Variants in MAP1B observed in about 807,000 individuals in gnomAD.
MAP1B encodes the protein microtubule associated protein 1B, also known as microtubule-associated protein 1B.
Under a neutral mutation model 176.1 loss-of-function variants are expected in MAP1B, and 12 were observed. That is an observed-to-expected ratio of 0.07 (90% CI 0.04 to 0.11). The LOEUF (loss-of-function observed/expected upper bound fraction) is 0.11, where lower values mean the gene tolerates loss of function less well. Among genes scored for constraint, MAP1B ranks in the 10% least tolerant of loss-of-function variants. The pLI, the probability that MAP1B is intolerant of heterozygous loss-of-function variation, is 1.00. For synonymous variants in MAP1B, 1,044 were observed against 1,135.0 expected (o/e 0.92, Z 1.61); for missense variants, 2,523 against 2,990.5 (o/e 0.84, Z 3.65).
chr5:72,195,128 C>G lies in MAP1B; in HGVS notation c.1773C>G (p.Asp591Glu). 6.3e-7 allele frequency: 1 copy of G among 1,585,132 alleles called. No homozygotes were observed. The highest frequency in any genetic ancestry group is 8.5e-7 in the Non-Finnish European group (1 of 1,169,638). The change falls in exon 5 of 7, where the codon GAC (aspartate) becomes GAG (glutamate). Residue 591 changes from aspartate to glutamate, a missense_variant. Asp to Glu is a conservative substitution (Grantham distance 45). Around this residue, in one of 4 missense-constraint regions of MAP1B, gnomAD observed 1,925 missense variants for 2,126.0 expected, o/e 0.91. Coordinates refer to ENST00000296755, the MANE Select transcript of MAP1B (RefSeq NM_005909.5). ...ESKEKVMVKKDKPIKTETKPS... is the reference protein window; with the variant it reads ...ESKEKVMVKKEKPIKTETKPS... ...AAGAAAAGGTAATGGTGAAAAAAGACAAGCCAATAAAAACAGAGACCAAAC... is the reference window on the plus strand; with the variant it reads ...AAGAAAAGGTAATGGTGAAAAAAGAGAAGCCAATAAAAACAGAGACCAAAC...
intron 2 of MAP1B, among the ~76,000 whole-genome samples, chr5:72,123,979 A>G (rs1255647645): frequency 6.6e-6 from 1 of 152,186 alleles, no homozygotes; most frequent in African/African-American, 2.4e-5. Flanking sequence ...AGAGAGAGAG[A>G]AAGAGAGAGT....
intron 2 of MAP1B, among the ~76,000 whole-genome samples, chr5:72,135,102 A>C (rs1745812919): frequency 6.6e-6 from 1 of 151,642 alleles, no homozygotes; most frequent in Admixed American, 6.6e-5. Context: ...GACTTGGGGT[A>C]GGGAGTTGTG....
Position 72,203,682 on chromosome 5 carries a change from A to C in MAP1B, c.7132A>C (p.Lys2378Gln), listed in dbSNP as rs752287147. 1.8e-5 allele frequency: 29 copies of C among 1,613,946 alleles called. No homozygotes were observed. In the South Asian group the frequency reaches 3.1e-4, roughly 17 times the overall value. The stretch of plus-strand genomic sequence containing the variant: ...TAAGAATGTTGATGTGGAATTTTTC[A>C]AGAGAGTGCGGTCTTCCTACTACGT... ...NSKNVDVEFF[K>Q]RVRSSYYVVS... The change falls in exon 6 of 7, where the codon AAG (lysine) becomes CAG (glutamine). Residue 2378 changes from lysine (K) to glutamine (Q), a missense_variant. Coordinates refer to ENST00000296755, the MANE Select transcript of MAP1B (RefSeq NM_005909.5).
At chr5:72,144,929 G>C (rs1447326707) in intron 2 of MAP1B, among the ~76,000 whole-genome samples, 1 of 152,078 alleles carries the variant, frequency 6.6e-6, no homozygotes, top group Non-Finnish European at 1.5e-5. Flanking sequence ...TCTTCCCCTG[G>C]CCATCTGAGT....
intron 1 of MAP1B, among the ~76,000 whole-genome samples, chr5:72,110,155 C>T (rs1039840243): frequency 6.6e-6 from 1 of 152,194 alleles, no homozygotes; most frequent in African/African-American, 2.4e-5. Context: ...TTTCACAAAA[C>T]GGACACGCCT....
intron 2 of MAP1B, 28 bp from the exon 3 acceptor site, chr5:72,183,715 T>G (rs915113212): frequency 6.3e-7 from 1 of 1,595,518 alleles, no homozygotes. Context: ...AAAGGTCTCC[T>G]CTTTTGTTTG....
Position 72,193,931 on chromosome 5 carries a change from A to C in MAP1B, c.576A>C (p.Glu192Asp). The change falls in exon 5 of 7, where the codon GAA (glutamate) becomes GAC (aspartate). Residue 192 changes from glutamate (E) to aspartate (D), a missense_variant. Physicochemically the swap from Glu to Asp is conservative, Grantham distance 45 (BLOSUM62 2). Transcript: ENST00000296755. ...CCAGCTTAACCCTGTTCTGTCCTGA[A>C]GAAGGGGACTGGAAGAACTCCAATC... is the stretch of plus-strand genomic sequence containing the variant. The part of the protein sequence containing the change: ...NKASLTLFCP[E>D]EGDWKNSNLD... 1.2e-6 allele frequency: 2 copies of C among 1,614,108 alleles called. No individual in the cohort carries two copies. Among genetic ancestry groups the C allele is most frequent in the Middle Eastern group, 1.6e-4 (1 of 6,062 alleles).
At chr5:72,192,271 T>C (rs762679874) in intron 4 of MAP1B, among the ~76,000 whole-genome samples, 6 of 152,230 alleles carry the variant, frequency 3.9e-5, no homozygotes, top group Non-Finnish European at 8.8e-5. Context: ...ATGTTTGCTT[T>C]GGCCAGCAAA....
intron 1 of MAP1B, among the ~76,000 whole-genome samples, 192 bp downstream of exon 1, chr5:72,107,907 G>A (rs1745142262): frequency 6.6e-6 from 1 of 152,226 alleles, no homozygotes; most frequent in Non-Finnish European, 1.5e-5. Context: ...GAGACCCAGA[G>A]GGAGAGTCTC....
chr5:72,193,254 G>GT (rs1480973352), intron 4 of MAP1B: 2 of 351,540 alleles, frequency 5.7e-6, no homozygotes, highest in East Asian at 2.0e-4. Flanking sequence ...AACCCACCAA[G>GT]GTTTTTTCTT....
intron 2 of MAP1B, among the ~76,000 whole-genome samples, chr5:72,139,613 T>G (rs1282147426): frequency 6.6e-6 from 1 of 152,212 alleles, no homozygotes; most frequent in East Asian, 1.9e-4. Flanking sequence ...TAATAATAAG[T>G]TGCCGTGACA....
rs1029444178 is a variant in MAP1B at position 72,200,105 on chromosome 5, A to G, written c.6750A>G (p.Thr2250=). 44 of 1,614,136 alleles carry G rather than the reference A, an allele frequency of 2.7e-5. No homozygotes were observed. The highest frequency in any genetic ancestry group is 3.6e-5 in the Non-Finnish European group (42 of 1,180,058). ...AGACCAAAACCAAAAAGCCAGGTAC[A>G]AAGACCAAGTCATCTTCACCTGTCA... ...KEKTKTKKPG[T]KTKSSSPVKK... The change falls in exon 5 of 7, where the codon ACA becomes ACG. Residue 2250 remains threonine, a synonymous_variant. Transcript: ENST00000296755.
chr5:72,113,743 G>A (rs1041707468), intron 1 of MAP1B, among the ~76,000 whole-genome samples: 6 of 152,174 alleles, frequency 3.9e-5, no homozygotes, highest in Non-Finnish European at 7.3e-5. Flanking sequence ...CCTGGAACAA[G>A]GAGAATTCAG....
rs373344169 is a variant in MAP1B at position 72,195,209 on chromosome 5, C to A, written c.1854C>A (p.Ala618=). 6.2e-7 allele frequency: 1 copy of A among 1,613,654 alleles called. No individual in the cohort carries two copies. The highest frequency in any genetic ancestry group is 1.1e-5 in the South Asian group (1 of 91,028). Residue 618 remains alanine (A), a synonymous_variant, in exon 5 of 7, where the codon GCC becomes GCA. Coordinates refer to ENST00000296755, the MANE Select transcript of MAP1B (RefSeq NM_005909.5). ...PSKEEPSPVK[A]EVAEKQATDV... The stretch of plus-strand genomic sequence containing the variant: ...AAGAAGAGCCATCTCCAGTGAAAGC[C>A]GAGGTGGCTGAGAAGCAAGCCACAG...
Position 72,205,351 on chromosome 5 carries a change from C to A in MAP1B, c.*112C>A. On this transcript the variant is annotated 3_prime_UTR_variant, in exon 7 of 7. Coordinates refer to ENST00000296755, the MANE Select transcript of MAP1B (RefSeq NM_005909.5). ...ATCTAGTTAAGTCGCTGAACAATTA[C>A]CTGCCAAATGCTATACTGTGTCATG... 1 of 1,068,084 alleles carries A rather than the reference C, an allele frequency of 9.4e-7. No homozygotes were observed. The highest frequency in any genetic ancestry group is 1.6e-5 in the South Asian group (1 of 63,880). 66.2% of individuals were successfully genotyped at this position (1,068,084 alleles called of 1,614,324 possible). A position where few individuals can be genotyped will look rare whatever the true frequency, so the allele number is the denominator to read the frequency against.
intron 2 of MAP1B, among the ~76,000 whole-genome samples, chr5:72,137,989 AG>A (rs1459311869): frequency 6.6e-6 from 1 of 152,188 alleles, no homozygotes; most frequent in African/African-American, 2.4e-5. Flanking sequence ...CTTTACCAGC[AG>A]GTGGCATGAC....
In MAP1B at chr5:72,161,771, A is replaced by G. The variant is rs185656348; in HGVS notation, c.287-21972A>G. On this transcript the variant is annotated intron_variant, in intron 2 of 6. Transcript: ENST00000296755. ...CAGGAGTTCCAGACCAGCCTGGCCAACATGATGAAACCCTGCCTCTACTAA... is the reference window on the plus strand; with the variant it reads ...CAGGAGTTCCAGACCAGCCTGGCCAGCATGATGAAACCCTGCCTCTACTAA... Among the ~76,000 whole-genome samples, 918 of 152,176 alleles carry G rather than the reference A, an allele frequency of 6.0e-3. 10 individuals are homozygous for G. The highest frequency in any genetic ancestry group is 0.021 in the African/African-American group (873 of 41,514).
intron 2 of MAP1B, among the ~76,000 whole-genome samples, chr5:72,152,323 C>G (rs527919800): frequency 6.6e-6 from 1 of 152,298 alleles, no homozygotes; most frequent in Admixed American, 6.5e-5. Context: ...CCTTGTTCTG[C>G]AAAACCTGGG....
At chr5:72,169,834 T>C (rs185673037) in intron 2 of MAP1B, among the ~76,000 whole-genome samples, 266 of 152,354 alleles carry the variant, frequency 1.7e-3, no homozygotes, top group African/African-American at 6.1e-3. Flanking sequence ...TTAACTGCTA[T>C]ACCAGAATTT....
Sources: gnomAD v4.1 joint callset for allele counts (sites outside exome capture counted in the v4.1 genomes callset) on GRCh38, gnomAD v4.1.1 for gene constraint, gnomAD v4.1.1 regional missense constraint, MANE v1.5 for transcripts, NCBI Gene and HGNC (gene_info 2026-07-23, HGNC 2026-07-21) for gene names.